The following NELL2 variants were observed in gnomAD, a reference collection of about 807,000 sequenced individuals.
NELL2 encodes the protein neural EGFL like 2, also known as protein kinase C-binding protein NELL2.
In NELL2, 41 loss-of-function variants were observed where a neutral mutation model predicts 109.6. The ratio of observed to expected loss-of-function variants is 0.37; its 90% CI spans 0.29 to 0.49. NELL2 has a LOEUF of 0.49. NELL2 is among the 20% of genes least tolerant of loss of function. The pLI, the probability that NELL2 is intolerant of heterozygous loss-of-function variation, is 0.98. For synonymous variants in NELL2, 355 were observed against 344.7 expected, an observed-to-expected ratio of 1.03 and a Z score of -0.33; for missense variants, 900 against 1,008.3, an observed-to-expected ratio of 0.89 and a Z score of 1.45.
chr12:44,599,061 G>C (rs1310743924), intron 15 of NELL2, among the ~76,000 whole-genome samples: 4 of 152,126 alleles, frequency 2.6e-5, no homozygotes, highest in Admixed American at 2.6e-4. Flanking sequence ...ATACCACTTG[G>C]CAAAAACATT....
rs147103574 is a variant in NELL2, at chr12:44,620,121, G to GTT, written c.1445-9153_1445-9152dup. 3.1e-3 allele frequency among the ~76,000 whole-genome samples: 420 copies of GTT among 134,428 alleles called. 1 individual carries two copies. The highest frequency in any genetic ancestry group is 5.4e-3 in the South Asian group (22 of 4,074). 88.2% of individuals were successfully genotyped at this position (134,428 alleles called of 152,430 possible). A position where few individuals can be genotyped will look rare whatever the true frequency, so the allele number is the denominator to read the frequency against. ...TGTTATTCTTGTTCGCCTGGGTTTT[G>GTT]TTTTTTTTTTTTTTTTATGGCAAAG... On this transcript the variant is annotated intron_variant, in intron 13 of 19. Transcript: ENST00000429094.
intron 1 of NELL2, among the ~76,000 whole-genome samples, chr12:44,909,032 A>C (rs1945750501): frequency 6.6e-6 from 1 of 151,896 alleles, no homozygotes; most frequent in African/African-American, 2.4e-5. Flanking sequence ...TTAAGTTGAA[A>C]AAGTGACAAA....
chr12:44,676,771 G>A (rs1001044579), intron 12 of NELL2, among the ~76,000 whole-genome samples: 2 of 152,068 alleles, frequency 1.3e-5, no homozygotes, highest in African/African-American at 2.4e-5. Flanking sequence ...GGTTGAGAGT[G>A]TATCATAAAT....
chr12:44,751,623 T>G (rs1940657032), intron 9 of NELL2, among the ~76,000 whole-genome samples: 3 of 152,182 alleles, frequency 2.0e-5, no homozygotes, highest in Non-Finnish European at 4.4e-5. Flanking sequence ...TGTCTTCCCT[T>G]TTTTCTGTCC....
chr12:44,642,838 C>T (rs533759694), intron 13 of NELL2, among the ~76,000 whole-genome samples: 184 of 152,230 alleles, frequency 1.2e-3, no homozygotes, highest in African/African-American at 3.8e-3. Flanking sequence ...TCCGAGATCA[C>T]GCCACTGCAC....
intron 16 of NELL2, among the ~76,000 whole-genome samples, chr12:44,531,313 C>T (rs1942043328): frequency 6.6e-6 from 1 of 152,148 alleles, no homozygotes; most frequent in Admixed American, 6.5e-5. Flanking sequence ...CCATTAAATT[C>T]TATAAAATAC....
At chr12:44,823,086 T>C (rs2136701648) in intron 2 of NELL2, among the ~76,000 whole-genome samples, 1 of 152,280 alleles carries the variant, frequency 6.6e-6, no homozygotes, top group African/African-American at 2.4e-5. Flanking sequence ...TCCTTTCTTC[T>C]TTTTTTGGTG....
chr12:44,657,357 G>C (rs1180864183), intron 13 of NELL2, among the ~76,000 whole-genome samples: 1 of 152,164 alleles, frequency 6.6e-6, no homozygotes, highest in Non-Finnish European at 1.5e-5. Flanking sequence ...GCATGCATCT[G>C]TGTGGTATAT....
intron 13 of NELL2, among the ~76,000 whole-genome samples, chr12:44,650,723 C>T (rs1164263552): frequency 6.6e-6 from 1 of 151,626 alleles, no homozygotes; most frequent in African/African-American, 2.4e-5. Context: ...GTTAATTGTC[C>T]TTATAAGAAG....
Position 44,523,250 on chromosome 12 carries a change from C to A in NELL2, c.1998+41G>T, listed in dbSNP as rs372448410. 3.7e-6 allele frequency: 6 copies of A among 1,603,142 alleles called. No individual in the cohort carries two copies. The African/African-American group carries it at 6.7e-5, about 18-fold the overall frequency. ...ACACACTTAAAACATATGCAAATTA[C>A]AACTGAATAAAATTAATTAAAGTTT... On this transcript the variant is annotated intron_variant, in intron 17 of 19. Coordinates refer to ENST00000429094, the MANE Select transcript of NELL2 (RefSeq NM_001145108.2).
intron 13 of NELL2, among the ~76,000 whole-genome samples, chr12:44,635,471 G>A (rs181916056): frequency 6.6e-6 from 1 of 152,266 alleles, no homozygotes; most frequent in East Asian, 1.9e-4. Context: ...TAAGCTGTAA[G>A]GAAGGGGTCC....
intron 2 of NELL2, among the ~76,000 whole-genome samples, chr12:44,863,521 A>T (rs1592673545): frequency 2.0e-4 from 1 of 4,958 alleles, no homozygotes; most frequent in African/African-American, 5.7e-4. Context: ...TAGAAGTAAT[A>T]AAAAAAAACT....
intron 1 of NELL2, among the ~76,000 whole-genome samples, chr12:44,903,645 C>T (rs1040270389): frequency 3.9e-5 from 6 of 152,056 alleles, no homozygotes; most frequent in African/African-American, 1.4e-4. Flanking sequence ...ACCCAGATGC[C>T]CATCAATGAT....
rs547632741 is a variant in NELL2 at position 44,621,882 on chromosome 12, A to AAC, written c.1445-10914_1445-10913dup. 1.9e-3 allele frequency among the ~76,000 whole-genome samples: 287 copies of AAC among 152,210 alleles called. 1 individual carries two copies. Among genetic ancestry groups the AAC allele is most frequent in the African/African-American group, 6.7e-3 (277 of 41,530 alleles). ...TAGAGTTGTGAGGCTCAAATGTGGT[A>AAC]ACGTCTGGAAAGCACTGAGAATAAT... is the stretch of plus-strand genomic sequence containing the variant. On this transcript the variant is annotated intron_variant, in intron 13 of 19. Transcript: ENST00000429094.
At chr12:44,866,354 T>C (rs887295490) in intron 2 of NELL2, among the ~76,000 whole-genome samples, 14 of 152,084 alleles carry the variant, frequency 9.2e-5, no homozygotes, top group Admixed American at 9.2e-4. Context: ...CATGAACAAC[T>C]AATTGGTCAA....
intron 9 of NELL2, among the ~76,000 whole-genome samples, chr12:44,749,242 A>G (rs934559059): frequency 2.6e-5 from 4 of 152,216 alleles, no homozygotes; most frequent in African/African-American, 4.8e-5. Flanking sequence ...TACAGCAGGA[A>G]CTACTGTAAA....
rs1368997718 is a variant in NELL2 at position 44,520,064 on chromosome 12, G to A, written c.2341C>T (p.Arg781Cys). ...TTGATCCAAGAGGACCCGGTGAAGCGAACCACATTCATTTCGTCCAGGCAA... is the reference window on the plus strand; with the variant it reads ...TTGATCCAAGAGGACCCGGTGAAGCAAACCACATTCATTTCGTCCAGGCAA... ...KTCLDEMNVV[R>C]FTGSSWIKHG... The change falls in exon 19 of 20, where the codon CGC becomes TGC. Residue 781 changes from arginine to cysteine, a missense_variant. Coordinates refer to ENST00000429094, the MANE Select transcript of NELL2 (RefSeq NM_001145108.2). 5 of 1,614,100 alleles carry A rather than the reference G, an allele frequency of 3.1e-6. No individual in the cohort carries two copies. The highest frequency in any genetic ancestry group is 4.2e-6 in the Non-Finnish European group (5 of 1,180,030).
At chr12:44,643,823 G>GGTTT (rs1386233848) in intron 13 of NELL2, among the ~76,000 whole-genome samples, 1 of 152,092 alleles carries the variant, frequency 6.6e-6, no homozygotes, top group East Asian at 1.9e-4. Flanking sequence ...GTTCTATTAT[G>GGTTT]TGCATAATGA....
At chr12:44,860,022 T>A (rs768823361) in intron 2 of NELL2, among the ~76,000 whole-genome samples, 1 of 152,054 alleles carries the variant, frequency 6.6e-6, no homozygotes, top group Non-Finnish European at 1.5e-5. Flanking sequence ...CCCCTCCACA[T>A]CCAGATTAAC....
Sources: allele counts gnomAD v4.1 joint callset (sites outside exome capture counted in the v4.1 genomes callset), GRCh38; gene constraint gnomAD v4.1.1; transcripts MANE v1.5; gene names NCBI Gene and HGNC (gene_info 2026-07-23, HGNC 2026-07-21).